The following NEBL variants were observed in gnomAD, a reference collection of about 807,000 sequenced individuals.
The protein encoded by NEBL is LIM and SH3 protein 2.
In NEBL, 122 loss-of-function variants were observed where a neutral mutation model predicts 140.2. The observed-to-expected ratio is 0.87, with a 90% CI of 0.75 to 1.01. The LOEUF (loss-of-function observed/expected upper bound fraction) is 1.01. Among genes scored for constraint, NEBL ranks in the 50% least tolerant of loss-of-function variants. The pLI, the probability that NEBL is intolerant of heterozygous loss-of-function variation, is 0.00. For missense variants in NEBL, 1,365 were observed against 1,231.3 expected (o/e 1.11, Z -1.62); for synonymous variants, 436 against 398.9 (o/e 1.09, Z -1.11).
chr10:20,796,170 C>T (rs1316181609), intron 26 of NEBL, among the ~76,000 whole-genome samples: 1 of 151,790 alleles, frequency 6.6e-6, no homozygotes, highest in Admixed American at 6.6e-5. Flanking sequence ...TCGAGACCAG[C>T]CTGGCCAACA....
chr10:20,964,586 C>T (rs1836205049), intron 3 of NEBL, among the ~76,000 whole-genome samples: 1 of 152,082 alleles, frequency 6.6e-6, no homozygotes, highest in Non-Finnish European at 1.5e-5. Flanking sequence ...ATGAGGGATC[C>T]GCCCCCATGA....
intron 1 of NEBL, among the ~76,000 whole-genome samples, chr10:21,257,458 G>C (rs770087573): frequency 6.6e-6 from 1 of 152,314 alleles, no homozygotes; most frequent in South Asian, 2.1e-4. Context: ...GTTTTAATAT[G>C]TATGTAAAGT....
chr10:21,232,148 CTCTT>C, intron 3 of NEBL, among the ~76,000 whole-genome samples: 1 of 152,050 alleles, frequency 6.6e-6, no homozygotes, highest in South Asian at 2.1e-4. Context: ...CTCTCTCTCT[CTCTT>C]CTTTTTCTCT....
intron 1 of NEBL, among the ~76,000 whole-genome samples, chr10:21,274,918 A>G (rs1842901101): frequency 6.6e-6 from 1 of 152,136 alleles, no homozygotes; most frequent in African/African-American, 2.4e-5. Flanking sequence ...CATCCTCATC[A>G]TCTTCACATT....
At chr10:21,000,895 A>T (rs922925614) in intron 3 of NEBL, among the ~76,000 whole-genome samples, 1 of 152,154 alleles carries the variant, frequency 6.6e-6, no homozygotes, top group African/African-American at 2.4e-5. Context: ...GAAGGGCCAC[A>T]TTGGGATTTA....
rs549467172 is a variant in NEBL at position 21,163,645 on chromosome 10, T to C, written c.164+8738A>G. On this transcript the variant is annotated intron_variant, in intron 2 of 6. Coordinates refer to the NEBL transcript ENST00000417816. Reference sequence around the variant, plus strand: ...CAAGTTCTCTGTGTTTGGTTGCACCTGCCTTTGATGGATAATGAGTCTCAG... The same window carrying C: ...CAAGTTCTCTGTGTTTGGTTGCACCCGCCTTTGATGGATAATGAGTCTCAG... Among the ~76,000 whole-genome samples, 7 of 152,380 alleles carry C rather than the reference T, an allele frequency of 4.6e-5. No individual in the cohort carries two copies. The South Asian group carries it at 1.0e-3, about 23-fold the overall frequency.
chr10:20,831,647 GAT>G (rs1298670961), intron 14 of NEBL, 64 bp from the exon 15 acceptor site: 2 of 1,070,976 alleles, frequency 1.9e-6, no homozygotes, highest in African/African-American at 3.1e-5. Context: ...CAAAAATCGA[GAT>G]GTCATTTTGA....
In NEBL at chr10:21,019,844, T is replaced by A. The variant is rs368867711; in HGVS notation, c.249+273A>T. Among the ~76,000 whole-genome samples, 50 of 152,304 alleles carry A rather than the reference T, an allele frequency of 3.3e-4. 1 individual carries two copies. The South Asian group carries it at 8.9e-3, about 27-fold the overall frequency. On this transcript the variant is annotated intron_variant, in intron 3 of 6. Coordinates refer to the NEBL transcript ENST00000417816. ...GTTTAAATATTTAGGACCAAATAAG[T>A]CAAGATTGTTGGGAAACATTGACTC...
intron 2 of NEBL, among the ~76,000 whole-genome samples, chr10:21,097,849 A>T (rs1837266311): frequency 6.6e-6 from 1 of 152,216 alleles, no homozygotes; most frequent in African/African-American, 2.4e-5. Flanking sequence ...TGGATGTAAT[A>T]GTCACAGCTC....
At chr10:21,176,297 C>A (rs1285864787), upstream of NEBL, among the ~76,000 whole-genome samples, 1 of 152,160 alleles carries the variant, frequency 6.6e-6, no homozygotes, top group African/African-American at 2.4e-5. Flanking sequence ...GGCACCACAC[C>A]CAGATACATT....
intron 1 of NEBL, among the ~76,000 whole-genome samples, chr10:21,264,363 G>A (rs1023433484): frequency 6.6e-6 from 1 of 152,190 alleles, no homozygotes; most frequent in Non-Finnish European, 1.5e-5. Context: ...TCTGCAAGGA[G>A]CTAGAGAAGA....
chr10:20,796,789 C>T (rs1251573950), intron 26 of NEBL, among the ~76,000 whole-genome samples: 1 of 152,108 alleles, frequency 6.6e-6, no homozygotes, highest in Non-Finnish European at 1.5e-5. Flanking sequence ...ATTCAAACCA[C>T]AAATATAAGC....
At chr10:21,267,766 A>G (rs143566245) in intron 1 of NEBL, among the ~76,000 whole-genome samples, 3 of 152,364 alleles carry the variant, frequency 2.0e-5, no homozygotes, top group East Asian at 1.9e-4. Flanking sequence ...AATTAAATAA[A>G]ATCAAAAATT....
intron 2 of NEBL, among the ~76,000 whole-genome samples, chr10:21,156,924 A>C (rs549586356): frequency 6.6e-6 from 1 of 152,326 alleles, no homozygotes; most frequent in African/African-American, 2.4e-5. Flanking sequence ...CATTTTCTAT[A>C]AAAATTTAAA....
At chr10:20,899,517 G>T, upstream of NEBL, 1 of 878,036 alleles carries the variant, frequency 1.1e-6, no homozygotes, top group Non-Finnish European at 1.5e-6. Context: ...AACACCACGT[G>T]CAATGTGAAC....
At chr10:21,172,145 C>T (rs757591645) in intron 2 of NEBL, 7 of 541,260 alleles carry the variant, frequency 1.3e-5, no homozygotes, top group African/African-American at 5.7e-5. Flanking sequence ...TGTAACACTG[C>T]GAACCTCAAA....
At chr10:20,858,861 C>A (rs546222964) in intron 8 of NEBL, among the ~76,000 whole-genome samples, 1 of 152,256 alleles carries the variant, frequency 6.6e-6, no homozygotes, top group South Asian at 2.1e-4. Flanking sequence ...TGAATCTCCA[C>A]AATAACCTCT....
intron 2 of NEBL, among the ~76,000 whole-genome samples, chr10:21,149,216 C>T (rs1454849130): frequency 6.6e-6 from 1 of 152,220 alleles, no homozygotes; most frequent in East Asian, 1.9e-4. Context: ...GGGGGTGCAG[C>T]AGGGGAGGGC....
At chr10:20,920,826 G>A (rs145996137) in intron 4 of NEBL, among the ~76,000 whole-genome samples, 110 of 152,132 alleles carry the variant, frequency 7.2e-4, no homozygotes, top group African/African-American at 2.1e-3. Context: ...ATGGTACATA[G>A]CTGAAATAAA....
Sources: allele counts gnomAD v4.1 joint callset (sites outside exome capture counted in the v4.1 genomes callset), GRCh38; gene constraint gnomAD v4.1.1; transcripts MANE v1.5; gene names NCBI Gene and HGNC (gene_info 2026-07-23, HGNC 2026-07-21).